Variants in PDE8B observed in about 807,000 individuals in gnomAD.
PDE8B encodes phosphodiesterase 8B, also known as high affinity cAMP-specific and IBMX-insensitive 3',5'-cyclic phosphodiesterase 8B.
PDE8B carries 26 observed loss-of-function variants against 101.3 expected under a neutral mutation model. The observed-to-expected ratio is 0.26, with a 90% CI of 0.19 to 0.36. The LOEUF (loss-of-function observed/expected upper bound fraction) is 0.36, where lower values mean the gene tolerates loss of function less well. Among genes scored for constraint, PDE8B ranks in the 10% least tolerant of loss-of-function variants. PDE8B has a pLI of 1.00. For missense variants in PDE8B, 810 were observed against 1,163.1 expected (o/e 0.70, Z 4.42); for synonymous variants, 424 against 429.3 (o/e 0.99, Z 0.15).
At chr5:77,183,663 G>A in the PDE8B span, among the ~76,000 whole-genome samples, 1 of 152,114 alleles carries the variant, frequency 6.6e-6, no homozygotes, top group Non-Finnish European at 1.5e-5. Flanking sequence ...TTTCTACTTG[G>A]ACTTTCTTGC....
chr5:77,221,237 CT>C lies in PDE8B; in HGVS notation c.339+9974del, dbSNP rs1751036245. Among the ~76,000 whole-genome samples, 4 of 152,198 alleles carry C rather than the reference CT, an allele frequency of 2.6e-5. No homozygotes were observed. The South Asian group carries it at 8.3e-4, about 32-fold the overall frequency. On this transcript the variant is annotated intron_variant, in intron 1 of 21. Transcript: ENST00000264917. Reference sequence around the variant, plus strand: ...CACTCATTGCAGTAGGTTGCTATGCCTCTTAAGTCTCTTTTAATCTGTAGCT... The same window carrying C: ...CACTCATTGCAGTAGGTTGCTATGCCCTTAAGTCTCTTTTAATCTGTAGCT...
At chr5:77,175,917 A>G in the PDE8B span, among the ~76,000 whole-genome samples, 14 of 152,136 alleles carry the variant, frequency 9.2e-5, no homozygotes, top group Admixed American at 3.3e-4. Flanking sequence ...AACATCTTCA[A>G]TCTTTGAAGA....
At chr5:77,362,849 A>G (rs1783376571) in intron 10 of PDE8B, among the ~76,000 whole-genome samples, 1 of 152,146 alleles carries the variant, frequency 6.6e-6, no homozygotes, top group South Asian at 2.1e-4. Context: ...GAGCCAGGTC[A>G]GGAGCCCCCT....
intron 6 of PDE8B, among the ~76,000 whole-genome samples, chr5:77,339,048 A>G (rs1160800402): frequency 6.6e-6 from 1 of 152,228 alleles, no homozygotes; most frequent in Non-Finnish European, 1.5e-5. Context: ...AATTTGAAAT[A>G]AATATCCCCA....
chr5:77,109,015 C>A, the PDE8B span, among the ~76,000 whole-genome samples: 2 of 152,304 alleles, frequency 1.3e-5, no homozygotes, highest in South Asian at 4.1e-4. Flanking sequence ...TCCTACAAGT[C>A]AGATAGAGTG....
intron 1 of PDE8B, among the ~76,000 whole-genome samples, chr5:77,264,603 A>G (rs1447514331): frequency 6.6e-6 from 1 of 152,076 alleles, no homozygotes; most frequent in Admixed American, 6.5e-5. Context: ...GTAGGGGGTG[A>G]TTTGGGGGCA....
chr5:77,272,265 A>G lies in PDE8B; in HGVS notation c.340-39729A>G, dbSNP rs1008737044. On this transcript the variant is annotated intron_variant, in intron 1 of 21. Coordinates refer to ENST00000264917, the MANE Select transcript of PDE8B (RefSeq NM_003719.5). ...TCTATTAGTTCACAGGTTATGGCTA[A>G]ACTGGTAATGACTTCATTTAAGTTG... Among the ~76,000 whole-genome samples, 8 of 152,332 alleles carry G rather than the reference A, an allele frequency of 5.3e-5. No homozygotes were observed. In the East Asian group the frequency reaches 1.2e-3, roughly 22 times the overall value.
intron 1 of PDE8B, among the ~76,000 whole-genome samples, chr5:77,260,230 T>TA (rs1430714371): frequency 2.1e-5 from 3 of 141,674 alleles, no homozygotes; most frequent in Non-Finnish European, 4.7e-5. Context: ...ACTGATGAAA[T>TA]AAAAAACACC....
chr5:77,095,056 C>A, the PDE8B span, among the ~76,000 whole-genome samples: 1 of 152,126 alleles, frequency 6.6e-6, no homozygotes, highest in Non-Finnish European at 1.5e-5. Context: ...AAGGTAGATG[C>A]CTAAAGATTT....
chr5:77,316,413 C>G (rs1580994758), intron 2 of PDE8B, among the ~76,000 whole-genome samples: 1 of 151,986 alleles, frequency 6.6e-6, no homozygotes. Flanking sequence ...TTTGTATTTT[C>G]AGTAGAGATG....
chr5:77,153,473 G>T, the PDE8B span, among the ~76,000 whole-genome samples: 19 of 152,146 alleles, frequency 1.2e-4, no homozygotes, highest in African/African-American at 4.1e-4. Flanking sequence ...ACAGGTTCTA[G>T]GGGGAGGGCT....
At chr5:77,271,785 C>G (rs987817598) in intron 1 of PDE8B, among the ~76,000 whole-genome samples, 7 of 152,116 alleles carry the variant, frequency 4.6e-5, no homozygotes, top group Non-Finnish European at 2.9e-5. Flanking sequence ...CTGGATAGTC[C>G]TTATACATTC....
chr5:77,262,760 C>A (rs931590820), intron 1 of PDE8B, among the ~76,000 whole-genome samples: 10 of 152,188 alleles, frequency 6.6e-5, no homozygotes, highest in African/African-American at 1.9e-4. Context: ...ACCAAGGATG[C>A]CAGCTGGACT....
chr5:77,399,130 A>G (rs774142923), intron 10 of PDE8B, among the ~76,000 whole-genome samples: 2 of 152,256 alleles, frequency 1.3e-5, no homozygotes, highest in Non-Finnish European at 2.9e-5. Flanking sequence ...GGACACTTGC[A>G]GAGAAAGGCA....
At chr5:77,163,198 C>T in the PDE8B span, among the ~76,000 whole-genome samples, 4 of 152,112 alleles carry the variant, frequency 2.6e-5, no homozygotes, top group Non-Finnish European at 5.9e-5. Context: ...TTATGAAAAC[C>T]TTTGGGGAAC....
chr5:77,096,911 A>AC, the PDE8B span, among the ~76,000 whole-genome samples: 2 of 152,200 alleles, frequency 1.3e-5, no homozygotes, highest in Admixed American at 1.3e-4. Context: ...GGTCACACTC[A>AC]CAAGTACCCA....
chr5:77,247,320 G>A (rs1757146392), intron 1 of PDE8B, among the ~76,000 whole-genome samples: 5 of 152,170 alleles, frequency 3.3e-5, no homozygotes, highest in African/African-American at 1.2e-4. Flanking sequence ...CCTCTGTTCC[G>A]CAGCAGGAGG....
intron 1 of PDE8B, among the ~76,000 whole-genome samples, chr5:77,227,111 C>A (rs1386362982): frequency 1.3e-5 from 2 of 152,110 alleles, no homozygotes; most frequent in Non-Finnish European, 2.9e-5. Context: ...ATAATTGTAC[C>A]TTATTTTGGT....
intron 1 of PDE8B, among the ~76,000 whole-genome samples, chr5:77,214,729 G>GTT (rs1480230214): frequency 6.6e-6 from 1 of 152,152 alleles, no homozygotes; most frequent in African/African-American, 2.4e-5. Context: ...CTAAGTCAGT[G>GTT]TTTTGGAGTC....
Sources: allele counts gnomAD v4.1 joint callset (sites outside exome capture counted in the v4.1 genomes callset), GRCh38; gene constraint gnomAD v4.1.1; transcripts MANE v1.5; gene names NCBI Gene and HGNC (gene_info 2026-07-23, HGNC 2026-07-21).